The following JAKMIP2 variants were observed in gnomAD, a reference collection of about 807,000 sequenced individuals.
JAKMIP2 encodes the protein janus kinase and microtubule-interacting protein 2.
JAKMIP2 carries 25 observed loss-of-function variants against 115.0 expected under a neutral mutation model. That is an observed-to-expected ratio of 0.22 (90% CI 0.16 to 0.30). JAKMIP2 has a LOEUF of 0.30. Among genes scored for constraint, JAKMIP2 ranks in the 10% least tolerant of loss-of-function variants. The pLI is 1.00. For synonymous variants in JAKMIP2, 334 were observed against 343.6 expected (o/e 0.97, Z 0.31); for missense variants, 642 against 957.6 (o/e 0.67, Z 4.35).
At chr5:147,671,617 C>A (rs970139839) in intron 2 of JAKMIP2, 61 bp downstream of exon 2, 6 of 1,310,750 alleles carry the variant, frequency 4.6e-6, no homozygotes, top group Non-Finnish European at 5.9e-6. Flanking sequence ...GCTGTGCTCG[C>A]TGCATGTGGA....
At chr5:147,696,266 C>T (rs1214523766) in intron 1 of JAKMIP2, among the ~76,000 whole-genome samples, 1 of 152,132 alleles carries the variant, frequency 6.6e-6, no homozygotes, top group Non-Finnish European at 1.5e-5. Context: ...CCATAATCCC[C>T]ATGTGTCATG....
intron 16 of JAKMIP2, 132 bp from the exon 17 acceptor site, chr5:147,623,821 C>T (rs1383482271): frequency 3.6e-6 from 2 of 549,252 alleles, no homozygotes; most frequent in East Asian, 3.2e-5. Context: ...GCAAAAACAA[C>T]ACCTTTTTTT....
Position 147,650,424 on chromosome 5 carries a change from C to A in JAKMIP2, c.751G>T (p.Val251Phe), listed in dbSNP as rs1221141480. 3.1e-6 allele frequency: 5 copies of A among 1,613,830 alleles called. No individual in the cohort carries two copies. The South Asian group carries it at 4.4e-5, about 14-fold the overall frequency. ...KEALDEQLFL[V>F]KEAECNMSSP... ...CTCATGTTGCACTCAGCCTCCTTGA[C>A]CAGAAAGAGTTGTTCGTCCAAAGCC... The change falls in exon 4 of 22, where the codon GTC (valine) becomes TTC (phenylalanine). Residue 251 changes from valine to phenylalanine, a missense_variant. Physicochemically the swap from Val to Phe is conservative, Grantham distance 50 (BLOSUM62 -1). This residue lies in a region of JAKMIP2 where 439 missense variants were observed against 570.9 expected (regional missense o/e 0.77). Transcript: ENST00000616793.
At chr5:147,738,377 C>T (rs542071712) in intron 1 of JAKMIP2, among the ~76,000 whole-genome samples, 2 of 152,176 alleles carry the variant, frequency 1.3e-5, no homozygotes, top group African/African-American at 4.8e-5. Flanking sequence ...TTGCTTGTGG[C>T]GTGGGGGAGA....
At chr5:147,764,969 G>GAGAGAGAGAGAGAGA (rs1561582766) in intron 1 of JAKMIP2, among the ~76,000 whole-genome samples, 3 of 33,904 alleles carry the variant, frequency 8.8e-5, no homozygotes, top group South Asian at 1.1e-3. Flanking sequence ...AGAGAGAGGG[G>GAGAGAGAGAGAGAGA]GAGAGAGAGA....
At chr5:147,644,382 T>C (rs1758025264) in intron 6 of JAKMIP2, among the ~76,000 whole-genome samples, 184 bp from the exon 7 acceptor site, 1 of 152,200 alleles carries the variant, frequency 6.6e-6, no homozygotes, top group Admixed American at 6.5e-5. Context: ...GTCATTATCA[T>C]TGGGGATTGT....
intron 1 of JAKMIP2, among the ~76,000 whole-genome samples, chr5:147,725,223 C>T (rs1027924692): frequency 1.3e-5 from 2 of 152,140 alleles, no homozygotes; most frequent in Admixed American, 1.3e-4. Context: ...GATAAACTCT[C>T]GGTTCCGGGA....
intron 15 of JAKMIP2, 55 bp from the exon 16 acceptor site, chr5:147,628,871 A>C: frequency 7.7e-7 from 1 of 1,297,782 alleles, no homozygotes; most frequent in Non-Finnish European, 1.1e-6. Flanking sequence ...TTTACCCCAA[A>C]GAAAATACTG....
At chr5:147,687,696 C>A (rs1409395907) in intron 1 of JAKMIP2, among the ~76,000 whole-genome samples, 1 of 152,104 alleles carries the variant, frequency 6.6e-6, no homozygotes, top group Non-Finnish European at 1.5e-5. Context: ...ACCCTTCACA[C>A]GACAGGTAAA....
intron 20 of JAKMIP2, among the ~76,000 whole-genome samples, chr5:147,602,561 G>A (rs1464213647): frequency 2.6e-5 from 4 of 152,148 alleles, no homozygotes; most frequent in African/African-American, 4.8e-5. Flanking sequence ...GTTAAATGGA[G>A]TCTGATTTGT....
chr5:147,771,320 T>C (rs1755345919), intron 1 of JAKMIP2, among the ~76,000 whole-genome samples: 1 of 152,054 alleles, frequency 6.6e-6, no homozygotes, highest in South Asian at 2.1e-4. Context: ...AAAATAAGAA[T>C]AGAATCACTT....
At chr5:147,666,212 T>G (rs1338679769) in intron 2 of JAKMIP2, among the ~76,000 whole-genome samples, 1 of 152,158 alleles carries the variant, frequency 6.6e-6, no homozygotes, top group African/African-American at 2.4e-5. Context: ...CTGAAATTTT[T>G]GGGGAAAAAG....
intron 1 of JAKMIP2, among the ~76,000 whole-genome samples, chr5:147,716,786 T>C (rs6650978): frequency 1.3e-5 from 2 of 148,618 alleles, no homozygotes; most frequent in Admixed American, 1.3e-4. Context: ...TTTCTCCCAT[T>C]TTGTAGGTTG....
intron 1 of JAKMIP2, among the ~76,000 whole-genome samples, chr5:147,738,159 T>A (rs1753995809): frequency 6.6e-6 from 1 of 152,020 alleles, no homozygotes; most frequent in Non-Finnish European, 1.5e-5. Context: ...AAGAGGTCAT[T>A]TTTTTTTCCC....
chr5:147,671,535 C>T (rs1759587728), intron 2 of JAKMIP2, 143 bp downstream of exon 2: 4 of 526,276 alleles, frequency 7.6e-6, no homozygotes, highest in South Asian at 9.4e-5. Flanking sequence ...GCAATAAGCT[C>T]TCCATGTTTA....
At chr5:147,691,169 G>A (rs1422540269) in intron 1 of JAKMIP2, among the ~76,000 whole-genome samples, 1 of 152,024 alleles carries the variant, frequency 6.6e-6, no homozygotes, top group African/African-American at 2.4e-5. Context: ...CATTGCATAA[G>A]ATTGTATATG....
Position 147,754,505 on chromosome 5 carries a change from G to A in JAKMIP2, c.-149+27951C>T, listed in dbSNP as rs189973870. 7.2e-5 allele frequency among the ~76,000 whole-genome samples: 11 copies of A among 152,298 alleles called. No individual in the cohort carries two copies. In the East Asian group the frequency reaches 2.1e-3, roughly 29 times the overall value. ...AATGAGGACATGGTGGCAGAGCTGA[G>A]AGAAGTCTAGCTTAAGGAAAGCTAC... is the stretch of plus-strand genomic sequence containing the variant. On this transcript the variant is annotated intron_variant, in intron 1 of 21. Coordinates refer to ENST00000616793, the MANE Select transcript of JAKMIP2 (RefSeq NM_001270941.2).
intron 1 of JAKMIP2, among the ~76,000 whole-genome samples, chr5:147,719,925 T>G (rs1303555640): frequency 6.6e-6 from 1 of 152,182 alleles, no homozygotes; most frequent in Non-Finnish European, 1.5e-5. Context: ...CATTAGTTGA[T>G]GCAGTTTCTT....
chr5:147,683,142 C>T (rs999090844), intron 1 of JAKMIP2, among the ~76,000 whole-genome samples: 5 of 152,176 alleles, frequency 3.3e-5, no homozygotes, highest in African/African-American at 4.8e-5. Context: ...AAGAAACATG[C>T]ATCAGAGCCC....
Sources: gnomAD v4.1 joint callset for allele counts (sites outside exome capture counted in the v4.1 genomes callset) on GRCh38, gnomAD v4.1.1 for gene constraint, gnomAD v4.1.1 regional missense constraint, MANE v1.5 for transcripts, NCBI Gene and HGNC (gene_info 2026-07-23, HGNC 2026-07-21) for gene names.